The following GUSB variants were observed in gnomAD, a reference collection of about 807,000 sequenced individuals.
GUSB encodes the protein beta-glucuronidase.
Under a neutral mutation model 74.6 loss-of-function variants are expected in GUSB, and 51 were observed. The observed-to-expected ratio is 0.68, with a 90% CI of 0.55 to 0.86. GUSB has a LOEUF of 0.86. Among genes scored for constraint, GUSB ranks in the 40% least tolerant of loss-of-function variants. The pLI, the probability that GUSB is intolerant of heterozygous loss-of-function variation, is 0.00. For missense variants in GUSB, 736 were observed against 853.7 expected, an observed-to-expected ratio of 0.86 and a Z score of 1.72; for synonymous variants, 360 against 348.3, an observed-to-expected ratio of 1.03 and a Z score of -0.37.
In GUSB at chr7:65,982,077, C is replaced by A. The variant is rs1264172545; in HGVS notation, c.107G>T (p.Arg36Leu). The change falls in exon 1 of 12, where the codon CGG becomes CTG. Residue 36 changes from arginine (R) to leucine (L), a missense_variant. Arg to Leu is a moderately radical substitution (Grantham distance 102). Around this residue, in one of 2 missense-constraint regions of GUSB, gnomAD observed 368 missense variants for 363.8 expected, o/e 1.01. Coordinates refer to ENST00000304895, the MANE Select transcript of GUSB (RefSeq NM_000181.4). ...GAGGCCGTCCAGCTCCTTGCACTCC[C>A]GCGACGGGCTCTCCTGGGGGTACAG... is the stretch of plus-strand genomic sequence containing the variant. Reference protein sequence around the residue: ...GMLYPQESPSRECKELDGLWS... With the variant: ...GMLYPQESPSLECKELDGLWS... 6.2e-7 allele frequency: 1 copy of A among 1,607,852 alleles called. No homozygotes were observed. The highest frequency in any genetic ancestry group is 1.1e-5 in the South Asian group (1 of 90,374).
chr7:65,980,240 T>C lies in GUSB; in HGVS notation c.380A>G (p.His127Arg), dbSNP rs765699404. 1.5e-6 allele frequency: 2 copies of C among 1,371,292 alleles called. No homozygotes were observed. Among genetic ancestry groups the C allele is most frequent in the Non-Finnish European group, 9.6e-7 (1 of 1,038,402 alleles). 84.9% of individuals were successfully genotyped at this position (1,371,292 alleles called of 1,614,324 possible). ...CGCACTGACCACGATGGCATAGGAA[T>C]GGGCACTGCCAATCCTCAGCACCAC... is the stretch of plus-strand genomic sequence containing the variant. ...TRVVLRIGSAHSYAIVWVNGV... is the reference protein window; with the variant it reads ...TRVVLRIGSARSYAIVWVNGV... Residue 127 changes from histidine to arginine, a missense_variant, in exon 2 of 12, where the codon CAT becomes CGT. His to Arg is a conservative substitution (Grantham distance 29). Transcript: ENST00000304895.
intron 8 of GUSB, among the ~76,000 whole-genome samples, chr7:65,971,285 C>A (rs1791190747): frequency 6.6e-6 from 1 of 152,174 alleles, no homozygotes; most frequent in Non-Finnish European, 1.5e-5. Flanking sequence ...AGGTCCTGGG[C>A]AGTGGGAGTG....
chr7:65,982,036 C>A lies in GUSB; in HGVS notation c.148G>T (p.Asp50Tyr). ...ELDGLWSFRA[D>Y]FSDNRRRGFE... The stretch of plus-strand genomic sequence containing the variant: ...CCCCGGCGTCGGTTGTCAGAGAAGT[C>A]GGCGCGGAAGCTCCAGAGGCCGTCC... The change falls in exon 1 of 12, where the codon GAC becomes TAC. Residue 50 changes from aspartate to tyrosine, a missense_variant. This residue lies in a region of GUSB where 368 missense variants were observed against 363.8 expected (regional missense o/e 1.01). Coordinates refer to ENST00000304895, the MANE Select transcript of GUSB (RefSeq NM_000181.4). 2 of 1,610,618 alleles carry A rather than the reference C, an allele frequency of 1.2e-6. No homozygotes were observed. Among genetic ancestry groups the A allele is most frequent in the Non-Finnish European group, 1.7e-6 (2 of 1,179,390 alleles).
rs1255989626 is a variant in GUSB, at chr7:65,979,533, T to C, written c.590A>G (p.Lys197Arg). The stretch of plus-strand genomic sequence containing the variant: ...ATATGTGTTCTGGACAAAGTAACCC[T>C]TGGGATACCTAGGATGGGAGGACTG... ...QYLTDTSKYP[K>R]GYFVQNTYFD... The change falls in exon 4 of 12, where the codon AAG becomes AGG. Residue 197 changes from lysine (K) to arginine (R), a missense_variant. Lys to Arg is a conservative substitution (Grantham distance 26). Transcript: ENST00000304895. 1.9e-6 allele frequency: 3 copies of C among 1,614,172 alleles called. No homozygotes were observed. In the Admixed American group the frequency reaches 5.0e-5, roughly 27 times the overall value.
At chr7:65,981,834 C>A (rs1792046923) in intron 1 of GUSB, 140 bp downstream of exon 1, 5 of 732,912 alleles carry the variant, frequency 6.8e-6, no homozygotes, top group African/African-American at 3.6e-5. Context: ...CAAGCCGGCG[C>A]CCCCAAGCCC....
chr7:65,981,830 G>A, intron 1 of GUSB, 144 bp downstream of exon 1: 1 of 695,218 alleles, frequency 1.4e-6, no homozygotes, highest in Middle Eastern at 4.1e-4. Context: ...CCCCCAAGCC[G>A]GCGCCCCCAA....
At chr7:65,980,054 TAG>T in intron 2 of GUSB, 143 bp from the exon 3 acceptor site, 4 of 931,708 alleles carry the variant, frequency 4.3e-6, no homozygotes, top group Non-Finnish European at 6.6e-6. Flanking sequence ...CCCAATGGGG[TAG>T]ATCAGGCTAC....
chr7:65,976,342 T>C (rs893978550), intron 4 of GUSB, 140 bp from the exon 5 acceptor site: 5 of 668,164 alleles, frequency 7.5e-6, no homozygotes, highest in Non-Finnish European at 1.3e-5. Context: ...TTTTTTTTTT[T>C]TGAGACGGAG....
At chr7:65,981,252 CG>C (rs1791997150) in intron 1 of GUSB, among the ~76,000 whole-genome samples, 4 of 129,392 alleles carry the variant, frequency 3.1e-5, no homozygotes, top group African/African-American at 1.2e-4. Flanking sequence ...TTTTTGGAGA[CG>C]TAGTCTCACT....
At chr7:65,966,509 C>T (rs1233249525) in intron 10 of GUSB, among the ~76,000 whole-genome samples, 1 of 151,832 alleles carries the variant, frequency 6.6e-6, no homozygotes, top group Admixed American at 6.6e-5. Flanking sequence ...AAAATGACGA[C>T]AGGCTGGGCA....
chr7:65,977,342 A>T (rs1791650729), intron 4 of GUSB, among the ~76,000 whole-genome samples: 1 of 152,004 alleles, frequency 6.6e-6, no homozygotes, highest in South Asian at 2.1e-4. Flanking sequence ...ATGTCCAGCT[A>T]ATGTTGGCTA....
At chr7:65,977,268 C>G (rs1489967704) in intron 4 of GUSB, among the ~76,000 whole-genome samples, 1 of 152,088 alleles carries the variant, frequency 6.6e-6, no homozygotes, top group Non-Finnish European at 1.5e-5. Context: ...CCTCCACCTC[C>G]CGGGTTCAAA....
At chr7:65,968,289 G>T (rs534113213) in intron 9 of GUSB, among the ~76,000 whole-genome samples, 2 of 149,910 alleles carry the variant, frequency 1.3e-5, no homozygotes, top group Admixed American at 1.3e-4. Context: ...GGCTGAGAAC[G>T]TCCAAGTGTA....
intron 9 of GUSB, among the ~76,000 whole-genome samples, chr7:65,969,936 C>T (rs1248601516): frequency 2.0e-5 from 3 of 152,180 alleles, no homozygotes; most frequent in Non-Finnish European, 4.4e-5. Context: ...GCCCAGCCTC[C>T]TTGGATTGAG....
intron 5 of GUSB, 152 bp downstream of exon 5, chr7:65,975,863 A>G (rs770961886): frequency 9.6e-5 from 60 of 624,630 alleles, no homozygotes; most frequent in Non-Finnish European, 1.4e-4. Context: ...AAAAAAAAAA[A>G]AAAGAAAATG....
chr7:65,977,998 G>C (rs1044697785), intron 4 of GUSB, among the ~76,000 whole-genome samples: 2 of 151,226 alleles, frequency 1.3e-5, no homozygotes, highest in African/African-American at 4.9e-5. Flanking sequence ...TTTTAGTAGA[G>C]ACGGAGTTTC....
Position 65,967,747 on chromosome 7 carries a change from A to G in GUSB, c.1637T>C (p.Ile546Thr). Residue 546 changes from isoleucine to threonine, a missense_variant, in exon 10 of 12, where the codon ATT becomes ACT. Ile to Thr is a moderately conservative substitution (Grantham distance 89, BLOSUM62 -1). Around this residue, in one of 2 missense-constraint regions of GUSB, gnomAD observed 368 missense variants for 489.9 expected, o/e 0.75. Coordinates refer to ENST00000304895, the MANE Select transcript of GUSB (RefSeq NM_000181.4). Reference sequence around the variant, plus strand: ...ACTGCTTACCTGGTGAAACCCTGCAATCGTTTCTGCTCCATACTCGCTCTG... The same window carrying G: ...ACTGCTTACCTGGTGAAACCCTGCAGTCGTTTCTGCTCCATACTCGCTCTG... ...IIQSEYGAET[I>T]AGFHQDPPLM... 1 of 1,613,686 alleles carries G rather than the reference A, an allele frequency of 6.2e-7. No individual in the cohort carries two copies.
intron 8 of GUSB, among the ~76,000 whole-genome samples, chr7:65,972,084 A>G (rs1791249562): frequency 6.6e-6 from 1 of 152,200 alleles, no homozygotes; most frequent in Non-Finnish European, 1.5e-5. Context: ...TTAGAAGGGA[A>G]GAAAAACCCA....
At chr7:65,980,185 G>GGGGGGGGGGCC in intron 2 of GUSB, 39 bp downstream of exon 2, 9 of 725,274 alleles carry the variant, frequency 1.2e-5, no homozygotes, top group Non-Finnish European at 1.9e-5. Flanking sequence ...CAGCAGCCGT[G>GGGGGGGGGGCC]CCCCCCCACC....
Sources: gnomAD v4.1 joint callset for allele counts (sites outside exome capture counted in the v4.1 genomes callset) on GRCh38, gnomAD v4.1.1 for gene constraint, gnomAD v4.1.1 regional missense constraint, MANE v1.5 for transcripts, NCBI Gene and HGNC (gene_info 2026-07-23, HGNC 2026-07-21) for gene names.